Variants in ANKRD44 observed in about 807,000 individuals in gnomAD.
ANKRD44 encodes the protein ankyrin repeat domain 44.
ANKRD44 carries 35 observed loss-of-function variants against 116.0 expected under a neutral mutation model. The observed-to-expected ratio is 0.30, with a 90% confidence interval of 0.23 to 0.40. The LOEUF is 0.40. Ranked by LOEUF, ANKRD44 falls within the 10% of genes least tolerant of loss-of-function variation. The probability of loss-of-function intolerance (pLI) is 1.00; values close to 1 mark genes in which losing one functional copy is unlikely to be tolerated. For synonymous variants in ANKRD44, 435 were observed against 461.8 expected, an observed-to-expected ratio of 0.94 and a Z score of 0.74; for missense variants, 1,014 against 1,242.6, an observed-to-expected ratio of 0.82 and a Z score of 2.77.
At chr2:197,162,295 T>A (rs1394519959) in intron 2 of ANKRD44, among the ~76,000 whole-genome samples, 2 of 152,224 alleles carry the variant, frequency 1.3e-5, no homozygotes, top group Non-Finnish European at 2.9e-5. Context: ...CATTGAGGCT[T>A]CATTCCCTGA....
chr2:197,238,654 G>T (rs2082024923), intron 1 of ANKRD44, among the ~76,000 whole-genome samples: 2 of 151,972 alleles, frequency 1.3e-5, no homozygotes, highest in Non-Finnish European at 2.9e-5. Flanking sequence ...AGTTACCCAG[G>T]ACTGGTATGG....
rs200188520 is a variant in ANKRD44 at position 197,110,763 on chromosome 2, T to C, written c.985+3A>G. ...AATGACACTACTGAAGCATCTCTCTTACCATTCTGAATGAGGGTCTGTGAC... is the reference window on the plus strand; with the variant it reads ...AATGACACTACTGAAGCATCTCTCTCACCATTCTGAATGAGGGTCTGTGAC... On this transcript the variant is annotated splice_donor_region_variant and intron_variant, in intron 9 of 27. Coordinates refer to ENST00000282272, the MANE Select transcript of ANKRD44 (RefSeq NM_001195144.2). The C allele has an allele frequency of 4.2e-5, 68 of 1,611,888 alleles. No homozygotes were observed. The highest frequency in any genetic ancestry group is 5.1e-6 in the Non-Finnish European group (6 of 1,178,096).
intron 17 of ANKRD44, among the ~76,000 whole-genome samples, chr2:197,018,412 T>C (rs2076432439): frequency 6.6e-6 from 1 of 152,184 alleles, no homozygotes; most frequent in Admixed American, 6.5e-5. Flanking sequence ...TCTGGGCCAC[T>C]GCATCTGTAC....
chr2:197,138,586 C>T (rs2079277725), intron 3 of ANKRD44, among the ~76,000 whole-genome samples: 1 of 152,230 alleles, frequency 6.6e-6, no homozygotes, highest in African/African-American at 2.4e-5. Flanking sequence ...CAGCATTTAT[C>T]CCTTCAGATC....
intron 1 of ANKRD44, among the ~76,000 whole-genome samples, chr2:197,232,553 T>C (rs750400128): frequency 7.2e-5 from 11 of 152,214 alleles, no homozygotes; most frequent in Non-Finnish European, 1.2e-4. Context: ...GGACTATGTG[T>C]CAAGGATCTG....
chr2:196,984,838 C>T (rs990189912), downstream of ANKRD44, among the ~76,000 whole-genome samples: 10 of 152,204 alleles, frequency 6.6e-5, no homozygotes, highest in African/African-American at 2.4e-4. Flanking sequence ...CCGTGATAGA[C>T]CAGGGTGGCG....
intron 21 of ANKRD44, among the ~76,000 whole-genome samples, chr2:196,974,006 G>A (rs916226147): frequency 5.9e-5 from 9 of 151,932 alleles, no homozygotes; most frequent in African/African-American, 2.2e-4. Context: ...CTTGCCATAT[G>A]GAATGAAAGT....
chr2:196,986,954 C>T lies in ANKRD44; in HGVS notation c.*2637G>A, dbSNP rs1042626072. The T allele has an allele frequency of 7.1e-6, 7 of 985,240 alleles. No homozygotes were observed. Among genetic ancestry groups the T allele is most frequent in the Non-Finnish European group, 8.4e-6 (7 of 829,906 alleles). The allele number at this position is 985,240 out of a possible 1,614,324, so 61.0% of individuals were successfully genotyped here. On this transcript the variant is annotated 3_prime_UTR_variant, in exon 28 of 28. Transcript: ENST00000282272. ...CATCAAACAATATTTTATGCTGTTA[C>T]AAATATGTTATGCAAAATATAACAC...
chr2:197,136,897 A>G (rs73051382), intron 3 of ANKRD44, among the ~76,000 whole-genome samples: 8,929 of 152,268 alleles, frequency 0.059, 512 homozygotes, highest in African/African-American at 0.15. Context: ...GTCAGTTTCC[A>G]TGAGGCTTTT....
intron 1 of ANKRD44, among the ~76,000 whole-genome samples, chr2:197,252,093 G>A (rs1400730206): frequency 1.3e-5 from 2 of 152,086 alleles, no homozygotes; most frequent in Non-Finnish European, 2.9e-5. Flanking sequence ...CAAAATCAGA[G>A]GGGGAATAAA....
intron 2 of ANKRD44, among the ~76,000 whole-genome samples, chr2:197,180,689 G>A (rs928039583): frequency 6.6e-6 from 1 of 152,152 alleles, no homozygotes; most frequent in Non-Finnish European, 1.5e-5. Context: ...GGGCTACATA[G>A]TTTGTATTTC....
intron 17 of ANKRD44, among the ~76,000 whole-genome samples, chr2:197,019,780 G>A (rs1208866667): frequency 6.6e-6 from 1 of 151,910 alleles, no homozygotes; most frequent in Non-Finnish European, 1.5e-5. Context: ...TCAGGGAATA[G>A]GCGATTTCTT....
At chr2:197,231,338 G>A (rs1266489399) in intron 1 of ANKRD44, among the ~76,000 whole-genome samples, 2 of 152,098 alleles carry the variant, frequency 1.3e-5, no homozygotes, top group Non-Finnish European at 2.9e-5. Context: ...GCTGAGGTAA[G>A]AAGTTCATTG....
chr2:197,189,506 T>C (rs2080770539), intron 1 of ANKRD44, among the ~76,000 whole-genome samples: 1 of 152,340 alleles, frequency 6.6e-6, no homozygotes, highest in South Asian at 2.1e-4. Context: ...TCGGGTTACA[T>C]CTGCCCCGTG....
intron 1 of ANKRD44, among the ~76,000 whole-genome samples, chr2:197,199,668 G>A (rs1275877522): frequency 6.6e-6 from 1 of 151,916 alleles, no homozygotes; most frequent in African/African-American, 2.4e-5. Context: ...TCAAATTCTT[G>A]GGTTCAAGCG....
At chr2:197,003,819 CA>C (rs1401519808) in intron 21 of ANKRD44, among the ~76,000 whole-genome samples, 1 of 151,724 alleles carries the variant, frequency 6.6e-6, no homozygotes, top group East Asian at 1.9e-4. Flanking sequence ...AGATGGGGGT[CA>C]CCCATTAGTA....
At chr2:197,085,686 T>C (rs1674688261) in intron 13 of ANKRD44, among the ~76,000 whole-genome samples, 1 of 148,924 alleles carries the variant, frequency 6.7e-6, no homozygotes, top group South Asian at 2.1e-4. Flanking sequence ...GAGGAATGAA[T>C]AATCCACCCC....
rs373843628 is a variant in ANKRD44, at chr2:197,227,553, C to T, written c.28-40447G>A. ...TCTGCCCTATCCTATGTGCACATCC[C>T]AATTCTACTAAACTATTTTAAAATA... On this transcript the variant is annotated intron_variant, in intron 1 of 27. Transcript: ENST00000282272. Among the ~76,000 whole-genome samples the T allele has an allele frequency of 2.2e-3, 334 of 151,440 alleles. 1 individual carries two copies. The highest frequency in any genetic ancestry group is 3.5e-3 in the Non-Finnish European group (240 of 67,986).
chr2:197,030,793 A>G (rs2076690900), intron 16 of ANKRD44, among the ~76,000 whole-genome samples: 1 of 152,160 alleles, frequency 6.6e-6, no homozygotes, highest in Admixed American at 6.5e-5. Flanking sequence ...GACTGATTCA[A>G]AGAGCAATAC....
Sources: allele counts gnomAD v4.1 joint callset (sites outside exome capture counted in the v4.1 genomes callset), GRCh38; gene constraint gnomAD v4.1.1; transcripts MANE v1.5; gene names NCBI Gene and HGNC (gene_info 2026-07-23, HGNC 2026-07-21).